The following HDHD5 variants were observed in gnomAD, a reference collection of about 807,000 sequenced individuals.
The protein encoded by HDHD5 is haloacid dehalogenase like hydrolase domain containing 5.
Under a neutral mutation model 35.5 loss-of-function variants are expected in HDHD5, and 34 were observed. That is an observed-to-expected ratio of 0.96 (90% confidence interval 0.73 to 1.28). The LOEUF is 1.28. HDHD5 is among the 50% of genes most tolerant of loss of function. The probability of loss-of-function intolerance (pLI) is 0.00; values close to 1 mark genes in which losing one functional copy is unlikely to be tolerated. For synonymous variants in HDHD5, 248 were observed against 240.6 expected (o/e 1.03, Z -0.29); for missense variants, 589 against 560.2 (o/e 1.05, Z -0.52).
At chr22:17,159,754 C>T (rs1355267644), upstream of HDHD5, 2 of 293,604 alleles carry the variant, frequency 6.8e-6, no homozygotes, top group African/African-American at 2.3e-5. Context: ...CCTGCTGACG[C>T]CCTCCCAGCG....
At chr22:17,145,893 C>T (rs917449807) in intron 3 of HDHD5, among the ~76,000 whole-genome samples, 9 of 152,042 alleles carry the variant, frequency 5.9e-5, no homozygotes, top group East Asian at 3.9e-4. Context: ...AAGGAAGAGG[C>T]GGCCTTGGGG....
chr22:17,139,405 G>A (rs566780338), intron 6 of HDHD5, among the ~76,000 whole-genome samples: 6 of 152,176 alleles, frequency 3.9e-5, no homozygotes, highest in African/African-American at 1.4e-4. Context: ...GCACATGCCT[G>A]TAGTCCCAGC....
intron 1 of HDHD5, among the ~76,000 whole-genome samples, chr22:17,154,968 G>A (rs4819972): frequency 0.78 from 118,535 of 151,916 alleles, 46,508 homozygotes; most frequent in Middle Eastern, 0.86. Context: ...GAAGAATTTA[G>A]GTTTGAAATG....
intron 1 of HDHD5, among the ~76,000 whole-genome samples, chr22:17,151,510 A>G (rs2061724332): frequency 6.6e-6 from 1 of 152,138 alleles, no homozygotes; most frequent in African/African-American, 2.4e-5. Context: ...AGGGTGGATC[A>G]CTTGAGGTCA....
chr22:17,141,732 G>T, intron 5 of HDHD5: 1 of 443,132 alleles, frequency 2.3e-6, no homozygotes, highest in Non-Finnish European at 3.0e-6. Flanking sequence ...TCTTCTCTAA[G>T]CCTCAGTTTC....
At chr22:17,141,734 C>T in intron 5 of HDHD5, 1 of 374,116 alleles carries the variant, frequency 2.7e-6, no homozygotes, top group Non-Finnish European at 3.7e-6. Flanking sequence ...TTCTCTAAGC[C>T]TCAGTTTCCT....
In HDHD5 at chr22:17,145,011, T is replaced by C. The variant is rs1278178127; in HGVS notation, c.537+13A>G. 1.9e-6 allele frequency: 3 copies of C among 1,613,676 alleles called. No individual in the cohort carries two copies. The highest frequency in any genetic ancestry group is 2.5e-6 in the Non-Finnish European group (3 of 1,179,888). On this transcript the variant is annotated intron_variant, in intron 4 of 7. Transcript: ENST00000336737. ...AAGGATGAAGACACAGCCCAACCCA[T>C]GCTCCTTATTACCGTGGTCTTTAGC... is the stretch of plus-strand genomic sequence containing the variant.
Position 17,138,046 on chromosome 22 carries a change from C to T in HDHD5, c.1247G>A (p.Arg416His), listed in dbSNP as rs759924679. 11 of 1,613,110 alleles carry T rather than the reference C, an allele frequency of 6.8e-6. No homozygotes were observed. The highest frequency in any genetic ancestry group is 1.3e-5 in the African/African-American group (1 of 75,014). ...TCACTCCAAAGCCCAGCCCTCCTTGCGGAAGACCAGCTGCACAGCCTCATT... is the reference window on the plus strand; with the variant it reads ...TCACTCCAAAGCCCAGCCCTCCTTGTGGAAGACCAGCTGCACAGCCTCATT... ...DVNEAVQLVFRKEGWALE is the reference protein window; with the variant it reads ...DVNEAVQLVFHKEGWALE The change falls in exon 8 of 8, where the codon CGC becomes CAC. Residue 416 changes from arginine to histidine, a missense_variant. Transcript: ENST00000336737.
chr22:17,141,108 G>C lies in HDHD5; in HGVS notation c.697C>G (p.Leu233Val), dbSNP rs912304795. 3 of 1,595,502 alleles carry C rather than the reference G, an allele frequency of 1.9e-6. No homozygotes were observed. In the South Asian group the frequency reaches 3.4e-5, roughly 18 times the overall value. Reference protein sequence around the residue: ...ATPPYPHLPVLASNMDLLWMA... With the variant: ...ATPPYPHLPVVASNMDLLWMA... ...CACAGGAGATCCATGTTGCTGGCTA[G>C]GACGGGGAGGTGGGGGTAGGGGGGT... The change falls in exon 6 of 8, where the codon CTA becomes GTA. Residue 233 changes from leucine to valine, a missense_variant. By Grantham distance (32) the Leu-to-Val change is conservative. Transcript: ENST00000336737.
At position 17,145,024 on chromosome 22, in the gene HDHD5, C is replaced by T. The variant is rs772570016; in HGVS notation, c.537G>A (p.Thr179=). The change falls in exon 4 of 8, where the codon ACG becomes ACA. Residue 179 remains threonine (T), a splice_region_variant and synonymous_variant. Transcript: ENST00000336737. ...CAGCCCAACCCATGCTCCTTATTAC[C>T]GTGGTCTTTAGCCGCCGCTCCAGGT... ...MVDLERRLKT[T]PLPRNDFPRI... 8.1e-6 allele frequency: 13 copies of T among 1,613,620 alleles called. No homozygotes were observed. Among genetic ancestry groups the T allele is most frequent in the African/African-American group, 2.7e-5 (2 of 74,790 alleles).
intron 2 of HDHD5, 73 bp downstream of exon 2, chr22:17,149,469 G>A: frequency 1.4e-6 from 2 of 1,435,642 alleles, no homozygotes; most frequent in Non-Finnish European, 1.9e-6. Flanking sequence ...AGGGGAAAGG[G>A]ACTTGGAGCT....
At chr22:17,144,230 A>G (rs2061631726) in intron 4 of HDHD5, among the ~76,000 whole-genome samples, 2 of 151,926 alleles carry the variant, frequency 1.3e-5, no homozygotes, top group Admixed American at 1.3e-4. Context: ...AGGACAGGGC[A>G]TAAAGCCGTT....
In HDHD5 at chr22:17,141,426, A is replaced by T. The variant is rs114806848; in HGVS notation, c.572-193T>A. The T allele has an allele frequency of 5.9e-4, 798 of 1,361,752 alleles. 5 individuals are homozygous for T. In the African/African-American group the frequency reaches 0.011, roughly 19 times the overall value. The allele number at this position is 1,361,752 out of a possible 1,614,324, so 84.4% of individuals were successfully genotyped here. A position where few individuals can be genotyped will look rare whatever the true frequency, so the allele number is the denominator to read the frequency against. ...CCTGGGTGCACAAGGCCCAGGGCCC[A>T]GGAAGGAGATTCCTGAGGGCTCCCA... On this transcript the variant is annotated intron_variant, in intron 5 of 7. Transcript: ENST00000336737.
chr22:17,138,255 C>T lies in HDHD5; in HGVS notation c.1038G>A (p.Arg346=), dbSNP rs569156295. 1 of 1,614,216 alleles carries T rather than the reference C, an allele frequency of 6.2e-7. No individual in the cohort carries two copies. Among genetic ancestry groups the T allele is most frequent in the African/African-American group, 1.3e-5 (1 of 75,038 alleles). Residue 346 remains arginine, a synonymous_variant, in exon 8 of 8, where the codon CGG becomes CGA. Transcript: ENST00000336737. The part of the protein sequence containing the change: ...GAPELGAGGT[R]QQQPSASQSC... Reference sequence around the variant, plus strand: ...TCTGGCTTGCTGAGGGCTGTTGCTGCCGTGTGCCCCCGGCCCCTAGTTCTG... The same window carrying T: ...TCTGGCTTGCTGAGGGCTGTTGCTGTCGTGTGCCCCCGGCCCCTAGTTCTG...
chr22:17,142,925 T>A, intron 5 of HDHD5, 173 bp downstream of exon 5: 1 of 619,262 alleles, frequency 1.6e-6, no homozygotes, highest in Non-Finnish European at 2.8e-6. Flanking sequence ...AAGGAAAGAC[T>A]AACAACAGTC....
Position 17,138,656 on chromosome 22 carries a change from TCAGGC to T in HDHD5, c.824_828del (p.Gly275AspfsTer37). 6.2e-7 allele frequency: 1 copy of T among 1,614,248 alleles called. No homozygotes were observed. Among genetic ancestry groups the T allele is most frequent in the Middle Eastern group, 1.6e-4 (1 of 6,062 alleles). Reference sequence around the variant, plus strand: ...TAAGTGAGGATGCTGGGTTTGCCCATCAGGCCCTCGTATCTCAGCTCCTTGCCCGT... The same window carrying T: ...TAAGTGAGGATGCTGGGTTTGCCCATCCTCGTATCTCAGCTCCTTGCCCGT... On this transcript the variant is annotated frameshift_variant, in exon 7 of 8. Coordinates refer to ENST00000336737, the MANE Select transcript of HDHD5 (RefSeq NM_033070.3). LOFTEE classifies it high-confidence loss of function.
upstream of HDHD5, chr22:17,159,557 A>G (rs777897250): frequency 3.8e-5 from 17 of 441,812 alleles, no homozygotes; most frequent in South Asian, 2.4e-4. Context: ...TCCCGGTAAC[A>G]TTGCGCGGCA....
chr22:17,144,587 T>C (rs1406174627), intron 4 of HDHD5, among the ~76,000 whole-genome samples: 2 of 152,134 alleles, frequency 1.3e-5, no homozygotes, highest in Admixed American at 1.3e-4. Flanking sequence ...CTAATTTTTG[T>C]ATTTTTAGTA....
At chr22:17,158,499 G>A (rs1238965600) in intron 1 of HDHD5, 2 of 152,306 alleles carry the variant, frequency 1.3e-5, no homozygotes, top group South Asian at 2.1e-4. Context: ...CAGGACCTGA[G>A]AAAACGTACT....
Sources: allele counts gnomAD v4.1 joint callset (sites outside exome capture counted in the v4.1 genomes callset), GRCh38; gene constraint gnomAD v4.1.1; transcripts MANE v1.5; gene names NCBI Gene and HGNC (gene_info 2026-07-23, HGNC 2026-07-21).